The following EP400 variants were observed in gnomAD, a reference collection of about 807,000 sequenced individuals.
EP400 encodes E1A-binding protein p400.
Under a neutral mutation model 354.1 loss-of-function variants are expected in EP400, and 105 were observed. The ratio of observed to expected loss-of-function variants is 0.30; its 90% CI spans 0.25 to 0.35. The LOEUF is 0.35. EP400 is among the 10% of genes least tolerant of loss of function. The probability of loss-of-function intolerance (pLI) is 1.00; values close to 1 mark genes in which losing one functional copy is unlikely to be tolerated. For synonymous variants in EP400, 1,646 were observed against 1,716.9 expected (o/e 0.96, Z 1.02); for missense variants, 3,280 against 4,121.0 (o/e 0.80, Z 5.59).
chr12:132,053,137 G>A lies in EP400; in HGVS notation c.7395-9G>A. On this transcript the variant is annotated splice_polypyrimidine_tract_variant and intron_variant, in intron 41 of 52. Coordinates refer to ENST00000389561, the MANE Select transcript of EP400 (RefSeq NM_015409.5). ...CTGTATGTTTTTAACCTTTGCGTCTGTCTTTCAGTGGAATCAACTATGACA... is the reference window on the plus strand; with the variant it reads ...CTGTATGTTTTTAACCTTTGCGTCTATCTTTCAGTGGAATCAACTATGACA... 6.2e-7 allele frequency: 1 copy of A among 1,614,002 alleles called. No homozygotes were observed. Among genetic ancestry groups the A allele is most frequent in the Non-Finnish European group, 8.5e-7 (1 of 1,179,978 alleles).
rs1159232683 is a variant in EP400 at position 132,025,871 on chromosome 12, G to A, written c.5014+67G>A. Reference sequence around the variant, plus strand: ...TCTTTCTCTTCCATCTAAGGCGAGTGGAAAGCATTCATGTGTCTTTGACTG... The same window carrying A: ...TCTTTCTCTTCCATCTAAGGCGAGTAGAAAGCATTCATGTGTCTTTGACTG... On this transcript the variant is annotated intron_variant, in intron 25 of 52. Transcript: ENST00000389561. This position sits in a 1 kb window ranked among gnomAD's most constrained non-coding sequence, Gnocchi z 4.1. The A allele has an allele frequency of 1.4e-6, 2 of 1,475,590 alleles. No individual in the cohort carries two copies. Among genetic ancestry groups the A allele is most frequent in the East Asian group, 2.4e-5 (1 of 42,248 alleles). The allele number at this position is 1,475,590 out of a possible 1,614,324, so 91.4% of individuals were successfully genotyped here.
chr12:131,985,518 C>T (rs1892825642), intron 5 of EP400, among the ~76,000 whole-genome samples: 1 of 152,202 alleles, frequency 6.6e-6, no homozygotes, highest in Non-Finnish European at 1.5e-5. Flanking sequence ...CTTCACTCAG[C>T]CCACCTTCCC....
intron 29 of EP400, chr12:132,031,420 T>C (rs956773929): frequency 3.9e-6 from 2 of 516,962 alleles, no homozygotes; most frequent in Admixed American, 3.9e-5. Flanking sequence ...TTATTTAAAC[T>C]GTGCATGAGG....
At chr12:132,063,700 A>G (rs975290177) in intron 47 of EP400, among the ~76,000 whole-genome samples, 1 of 152,060 alleles carries the variant, frequency 6.6e-6, no homozygotes, top group African/African-American at 2.4e-5. Flanking sequence ...CAGGAGACGC[A>G]CACTCAGCTG....
chr12:131,951,065 A>ATTTTTTT (rs750396319), intron 1 of EP400, among the ~76,000 whole-genome samples: 132 of 104,146 alleles, frequency 1.3e-3, no homozygotes, highest in African/African-American at 4.7e-3. Flanking sequence ...ACGCCTGGCT[A>ATTTTTTT]TTTTTTTTTT....
At chr12:131,959,051 G>A (rs542632136) in intron 1 of EP400, among the ~76,000 whole-genome samples, 1 of 152,316 alleles carries the variant, frequency 6.6e-6, no homozygotes, top group East Asian at 1.9e-4. Flanking sequence ...TGGCACCCAG[G>A]TCAAGCTGGC....
chr12:131,997,650 G>GA (rs371222679), intron 12 of EP400, among the ~76,000 whole-genome samples: 1 of 150,852 alleles, frequency 6.6e-6, no homozygotes, highest in Non-Finnish European at 1.5e-5. Context: ...ATAAGGAAGA[G>GA]AAAATACATT....
Position 132,018,566 on chromosome 12 carries a change from C to A in EP400, c.4277+190C>A, listed in dbSNP as rs564683701. ...GCCTTTTAGGCTGTGTGGTGCAGTG[C>A]AACTGCTTGCCTCCCTGAGCAGCAA... On this transcript the variant is annotated intron_variant, in intron 21 of 52. Transcript: ENST00000389561. This position sits in a 1 kb window ranked among gnomAD's most constrained non-coding sequence, Gnocchi z 4.0. 6.6e-6 allele frequency among the ~76,000 whole-genome samples: 1 copy of A among 152,362 alleles called. No homozygotes were observed. Among genetic ancestry groups the A allele is most frequent in the African/African-American group, 2.4e-5 (1 of 41,584 alleles).
intron 51 of EP400, 96 bp downstream of exon 51, chr12:132,069,737 C>G: frequency 1.3e-6 from 2 of 1,536,272 alleles, no homozygotes; most frequent in Non-Finnish European, 1.8e-6. Flanking sequence ...CCAGCCCTTG[C>G]GGCTGCACTG....
chr12:132,031,500 T>A, intron 29 of EP400: 1 of 416,074 alleles, frequency 2.4e-6, no homozygotes, highest in Non-Finnish European at 4.7e-6. Flanking sequence ...GCGGGGACCT[T>A]GGTGTTGCTT....
chr12:131,955,502 G>C (rs1245081565), intron 1 of EP400, among the ~76,000 whole-genome samples: 1 of 152,056 alleles, frequency 6.6e-6, no homozygotes. Context: ...GGCTGGTCTT[G>C]AACTCCGGAC....
rs1291167080 is a variant in EP400, at chr12:132,017,555, G to A, written c.3944G>A (p.Ser1315Asn). The change falls in exon 20 of 53, where the codon AGC becomes AAC. Residue 1315 changes from serine to asparagine, a missense_variant. Ser to Asn is a conservative substitution (Grantham distance 46). Around this residue, in one of 20 missense-constraint regions of EP400, gnomAD observed 242 missense variants for 357.9 expected, o/e 0.68. Coordinates refer to ENST00000389561, the MANE Select transcript of EP400 (RefSeq NM_015409.5). This position sits in a 1 kb window ranked among gnomAD's most constrained non-coding sequence, Gnocchi z 5.0. ...GGCAGCACTCAGGAGGCCTTGAAGA[G>A]CGGGCACTTTGTCAACGTCCTGAGC... Reference protein sequence around the residue: ...LQPGTQEALKSGHFVNVLSIL... With the variant: ...LQPGTQEALKNGHFVNVLSIL... The A allele has an allele frequency of 2.5e-6, 4 of 1,614,070 alleles. No individual in the cohort carries two copies. The highest frequency in any genetic ancestry group is 2.5e-6 in the Non-Finnish European group (3 of 1,179,994).
chr12:132,040,471 C>T (rs1000247510), intron 32 of EP400, among the ~76,000 whole-genome samples: 1 of 152,220 alleles, frequency 6.6e-6, no homozygotes, highest in Non-Finnish European at 1.5e-5. Context: ...CCCAAGTGTC[C>T]ATCAGAAGTC....
At chr12:132,063,937 C>T (rs1158671255) in intron 47 of EP400, among the ~76,000 whole-genome samples, 1 of 152,182 alleles carries the variant, frequency 6.6e-6, no homozygotes, top group Non-Finnish European at 1.5e-5. Context: ...GCAGAGGCAA[C>T]TGTCAGGGAG....
intron 4 of EP400, 135 bp from the exon 5 acceptor site, chr12:131,981,958 T>C: frequency 1.7e-6 from 2 of 1,196,974 alleles, no homozygotes; most frequent in Admixed American, 4.7e-5. Flanking sequence ...GTGTGCTCGG[T>C]TGTGGCCAAC....
rs1238480110 is a variant in EP400, at chr12:131,956,585, A to G, written c.-35-4000A>G. On this transcript the variant is annotated intron_variant, in intron 1 of 52. Coordinates refer to ENST00000389561, the MANE Select transcript of EP400 (RefSeq NM_015409.5). The stretch of plus-strand genomic sequence containing the variant: ...ACTAGGCCAAAGGTTTTGGGGTCAC[A>G]TGGGTTCATTCCACTTTCCTACTGC... 5.3e-5 allele frequency among the ~76,000 whole-genome samples: 8 copies of G among 152,254 alleles called. No individual in the cohort carries two copies. In the East Asian group the frequency reaches 1.5e-3, roughly 29 times the overall value.
chr12:132,001,359 G>C (rs1227501526), intron 12 of EP400, among the ~76,000 whole-genome samples: 1 of 152,162 alleles, frequency 6.6e-6, no homozygotes, highest in East Asian at 1.9e-4. Context: ...GAGAGAGAGA[G>C]ACAGCTTACG....
intron 6 of EP400, among the ~76,000 whole-genome samples, chr12:131,987,448 G>A (rs1566174425): frequency 6.6e-6 from 1 of 152,122 alleles, no homozygotes; most frequent in African/African-American, 2.4e-5. Flanking sequence ...CTGTTTTATA[G>A]AGCTGGGGCA....
At chr12:132,007,908 G>A (rs960438669) in intron 15 of EP400, among the ~76,000 whole-genome samples, 1 of 152,116 alleles carries the variant, frequency 6.6e-6, no homozygotes, top group African/African-American at 2.4e-5. Context: ...GTAGCTTAAG[G>A]AGAGAGAGGC....
Sources: allele counts gnomAD v4.1 joint callset (sites outside exome capture counted in the v4.1 genomes callset), GRCh38; gene constraint gnomAD v4.1.1; regional missense constraint gnomAD v4.1.1; non-coding constraint Gnocchi (gnomAD v3.1); transcripts MANE v1.5; gene names NCBI Gene and HGNC (gene_info 2026-07-23, HGNC 2026-07-21).